SASH1: variants seen among roughly 807,000 people sequenced by gnomAD.
SASH1 encodes the protein SAM and SH3 domain-containing protein 1.
SASH1 carries 44 observed loss-of-function variants against 125.2 expected under a neutral mutation model. The ratio of observed to expected loss-of-function variants is 0.35; its 90% CI spans 0.28 to 0.45. The LOEUF (loss-of-function observed/expected upper bound fraction) is 0.45. Among genes scored for constraint, SASH1 ranks in the 20% least tolerant of loss-of-function variants. The probability of loss-of-function intolerance (pLI) is 1.00; values close to 1 mark genes in which losing one functional copy is unlikely to be tolerated. For synonymous variants in SASH1, 639 were observed against 649.1 expected (o/e 0.98, Z 0.24); for missense variants, 1,426 against 1,614.5 (o/e 0.88, Z 2.00).
intron 10 of SASH1, among the ~76,000 whole-genome samples, chr6:148,521,267 C>G (rs1407286969): frequency 6.6e-6 from 1 of 152,242 alleles, no homozygotes; most frequent in Non-Finnish European, 1.5e-5. Context: ...CTTGCTTGAT[C>G]TGCTCAGGAC....
intron 1 of SASH1, 99 bp downstream of exon 1, chr6:148,343,322 T>C (rs1364236786): frequency 4.4e-6 from 5 of 1,129,414 alleles, no homozygotes; most frequent in Non-Finnish European, 6.3e-6. Context: ...GGCAACCCAC[T>C]CCGCAGAGGC....
intron 8 of SASH1, among the ~76,000 whole-genome samples, chr6:148,505,477 A>G (rs1005548504): frequency 6.6e-6 from 1 of 151,154 alleles, no homozygotes; most frequent in African/African-American, 2.4e-5. Flanking sequence ...TGCCTGACTA[A>G]TTTTTGTATT....
intron 19 of SASH1, among the ~76,000 whole-genome samples, 158 bp from the exon 20 acceptor site, chr6:148,548,137 T>G (rs988781186): frequency 5.9e-5 from 9 of 152,188 alleles, no homozygotes; most frequent in Non-Finnish European, 1.3e-4. Flanking sequence ...GAGAAGAATT[T>G]TTCCTGCTAG....
chr6:148,305,622 T>TAAA (rs1780105518), intron 1 of SASH1, among the ~76,000 whole-genome samples: 1 of 41,704 alleles, frequency 2.4e-5, no homozygotes, highest in East Asian at 1.2e-3. Flanking sequence ...AGACTCTGAC[T>TAAA]CAAAAAAAAA....
chr6:148,455,297 A>G (rs1777279993), intron 4 of SASH1, among the ~76,000 whole-genome samples: 1 of 152,210 alleles, frequency 6.6e-6, no homozygotes, highest in African/African-American at 2.4e-5. Flanking sequence ...GGCTTTATTC[A>G]TCGCCACCCA....
At chr6:148,381,411 G>A (rs1166949713) in intron 1 of SASH1, among the ~76,000 whole-genome samples, 2 of 152,110 alleles carry the variant, frequency 1.3e-5, no homozygotes, top group Non-Finnish European at 2.9e-5. Context: ...TCCTACCACA[G>A]ATGACATTTC....
chr6:148,549,634 A>G lies in SASH1; in HGVS notation c.*1076A>G. The G allele has an allele frequency of 2.5e-6, 1 of 399,004 alleles. No individual in the cohort carries two copies. Among genetic ancestry groups the G allele is most frequent in the Non-Finnish European group, 4.4e-6 (1 of 226,024 alleles). The allele number at this position is 399,004 out of a possible 1,614,324, so 24.7% of individuals were successfully genotyped here. A position where few individuals can be genotyped will look rare whatever the true frequency, so the allele number is the denominator to read the frequency against. On this transcript the variant is annotated 3_prime_UTR_variant, in exon 20 of 20. Transcript: ENST00000367467. ...CTTAATAAGGGAAGTCATGTATAAGATGTTTTCTAAAAGACTTTTCAGTAT... is the reference window on the plus strand; with the variant it reads ...CTTAATAAGGGAAGTCATGTATAAGGTGTTTTCTAAAAGACTTTTCAGTAT...
In SASH1 at chr6:148,536,425, C is replaced by T. The variant is rs564324417; in HGVS notation, c.2095+1524C>T. 1.0e-3 allele frequency among the ~76,000 whole-genome samples: 154 copies of T among 152,262 alleles called. 1 individual carries two copies. The highest frequency in any genetic ancestry group is 3.3e-3 in the African/African-American group (136 of 41,558). ...TGCGATCTTGGTTCACCGCAACCTC[C>T]GCCTCCCGGGTTCAAGCAATTCTCC... On this transcript the variant is annotated intron_variant, in intron 16 of 19. Coordinates refer to ENST00000367467, the MANE Select transcript of SASH1 (RefSeq NM_015278.5).
chr6:148,386,205 G>C lies in SASH1; in HGVS notation c.157-3929G>C, dbSNP rs141611057. ...ATGTCTGGTGTCAGAAGTGATCTCT[G>C]TTGTGAGGCTGTAGAAGACATTGAG... is the stretch of plus-strand genomic sequence containing the variant. On this transcript the variant is annotated intron_variant, in intron 1 of 19. Transcript: ENST00000367467. Among the ~76,000 whole-genome samples the C allele has an allele frequency of 3.7e-3, 560 of 152,296 alleles. 4 individuals are homozygous for C. The highest frequency in any genetic ancestry group is 0.013 in the African/African-American group (537 of 41,552).
intron 4 of SASH1, among the ~76,000 whole-genome samples, chr6:148,464,407 C>T (rs1263640790): frequency 6.6e-6 from 1 of 152,112 alleles, no homozygotes; most frequent in South Asian, 2.1e-4. Flanking sequence ...CTGAAGTTAC[C>T]ATACTTTTTA....
intron 1 of SASH1, among the ~76,000 whole-genome samples, chr6:148,383,374 G>A (rs1323884855): frequency 2.0e-5 from 3 of 152,022 alleles, no homozygotes; most frequent in East Asian, 1.9e-4. Flanking sequence ...CAAACAAGGA[G>A]CAATGTAAAT....
chr6:148,487,334 A>G (rs1337712127), intron 7 of SASH1, among the ~76,000 whole-genome samples: 2 of 152,048 alleles, frequency 1.3e-5, no homozygotes, highest in African/African-American at 4.8e-5. Flanking sequence ...TTTCTGGAAC[A>G]CAGGATACAA....
chr6:148,358,584 C>T (rs1421006937), intron 1 of SASH1, among the ~76,000 whole-genome samples: 1 of 152,154 alleles, frequency 6.6e-6, no homozygotes, highest in East Asian at 1.9e-4. Flanking sequence ...CAGATAGTCA[C>T]TGTTGTACAA....
At chr6:148,377,223 CAAAA>C (rs904115131) in intron 1 of SASH1, among the ~76,000 whole-genome samples, 39 of 130,632 alleles carry the variant, frequency 3.0e-4, no homozygotes, top group East Asian at 5.0e-4. Flanking sequence ...AACAAACAAA[CAAAA>C]AAAAACACAA....
intron 2 of SASH1, among the ~76,000 whole-genome samples, chr6:148,438,231 A>T (rs1392255532): frequency 2.6e-5 from 4 of 152,230 alleles, no homozygotes; most frequent in Non-Finnish European, 5.9e-5. Context: ...AAGATTTGGG[A>T]TTAAAAAATT....
At chr6:148,220,693 T>C in the SASH1 span, among the ~76,000 whole-genome samples, 10 of 152,158 alleles carry the variant, frequency 6.6e-5, no homozygotes, top group African/African-American at 2.4e-4. Flanking sequence ...GGCAGGCAGA[T>C]TGCTTGAGGC....
the SASH1 span, among the ~76,000 whole-genome samples, chr6:148,263,277 G>A: frequency 1.3e-5 from 2 of 152,216 alleles, no homozygotes; most frequent in African/African-American, 4.8e-5. Context: ...GTGCCTGCCT[G>A]TGGAGAGCCC....
At chr6:148,311,949 G>A (rs889553903) in intron 1 of SASH1, among the ~76,000 whole-genome samples, 4 of 152,128 alleles carry the variant, frequency 2.6e-5, no homozygotes, top group South Asian at 2.1e-4. Flanking sequence ...AGTGGAATAC[G>A]GCTCAGCAAT....
At chr6:148,497,017 G>A (rs996081964) in intron 8 of SASH1, among the ~76,000 whole-genome samples, 15 of 151,806 alleles carry the variant, frequency 9.9e-5, no homozygotes, top group African/African-American at 3.1e-4. Flanking sequence ...ATTTCGCTGG[G>A]TAGGAGATTA....
Sources: allele counts gnomAD v4.1 joint callset (sites outside exome capture counted in the v4.1 genomes callset), GRCh38; gene constraint gnomAD v4.1.1; transcripts MANE v1.5; gene names NCBI Gene and HGNC (gene_info 2026-07-23, HGNC 2026-07-21).